Variants in CDK12 observed in about 807,000 individuals in gnomAD.
The protein encoded by CDK12 is cyclin dependent kinase 12, also known as cyclin-dependent kinase 12.
Under a neutral mutation model 133.8 loss-of-function variants are expected in CDK12, and 17 were observed. That is an observed-to-expected ratio of 0.13 (90% CI 0.09 to 0.19). The LOEUF (loss-of-function observed/expected upper bound fraction) is 0.19, where lower values mean the gene tolerates loss of function less well. Among genes scored for constraint, CDK12 ranks in the 10% least tolerant of loss-of-function variants. The probability of loss-of-function intolerance (pLI) is 1.00; values close to 1 mark genes in which losing one functional copy is unlikely to be tolerated. For synonymous variants in CDK12, 694 were observed against 683.6 expected, an observed-to-expected ratio of 1.02 and a Z score of -0.24; for missense variants, 1,508 against 1,818.7, an observed-to-expected ratio of 0.83 and a Z score of 3.11.
exon 3 of CDK12, chr17:39,556,307 C>A (rs995719896): frequency 5.2e-5 from 8 of 152,430 alleles, no homozygotes; most frequent in Admixed American, 4.6e-4. Flanking sequence ...AGGATCTGAA[C>A]CCAAGATTCC....
chr17:39,483,553 C>T (rs779558005), intron 2 of CDK12, among the ~76,000 whole-genome samples: 27 of 151,972 alleles, frequency 1.8e-4, no homozygotes, highest in Admixed American at 7.9e-4. Context: ...CATGAGCCAC[C>T]GTGCCTGGTC....
intron 2 of CDK12, among the ~76,000 whole-genome samples, chr17:39,551,678 G>C (rs1235610293): frequency 6.6e-6 from 1 of 152,176 alleles, no homozygotes; most frequent in East Asian, 1.9e-4. Context: ...TTCATGTGGT[G>C]CCATGGCCTT....
intron 1 of CDK12, among the ~76,000 whole-genome samples, chr17:39,464,508 G>T (rs564489403): frequency 1.3e-5 from 2 of 151,564 alleles, no homozygotes; most frequent in Admixed American, 1.3e-4. Context: ...GGGATTACAG[G>T]CATGAGCCAC....
intron 3 of CDK12, chr17:39,556,844 C>T (rs2056182413): frequency 6.6e-6 from 1 of 152,128 alleles, no homozygotes; most frequent in Admixed American, 6.6e-5. Flanking sequence ...ACACCCCTCC[C>T]CTCCATTCTA....
chr17:39,493,907 A>G (rs1436071975), intron 4 of CDK12, among the ~76,000 whole-genome samples: 1 of 151,820 alleles, frequency 6.6e-6, no homozygotes, highest in African/African-American at 2.4e-5. Flanking sequence ...GAGGCAGGAG[A>G]ATCACTTGAA....
chr17:39,539,521 C>A (rs781240395), downstream of CDK12, among the ~76,000 whole-genome samples: 4 of 152,014 alleles, frequency 2.6e-5, no homozygotes, highest in Non-Finnish European at 5.9e-5. Context: ...ATAGTTATAC[C>A]ATGAGGGCTG....
intron 3 of CDK12, 58 bp downstream of exon 3, chr17:39,490,791 A>T: frequency 7.6e-7 from 1 of 1,310,842 alleles, no homozygotes; most frequent in African/African-American, 1.5e-5. Context: ...TTTTGAACTA[A>T]ATCTCTCATG....
At chr17:39,509,348 A>C (rs1444617741) in intron 6 of CDK12, among the ~76,000 whole-genome samples, 2 of 152,218 alleles carry the variant, frequency 1.3e-5, no homozygotes, top group East Asian at 3.8e-4. Context: ...CCCAACAATA[A>C]GTATTTAATC....
chr17:39,529,166 C>G (rs2054674944), intron 13 of CDK12, among the ~76,000 whole-genome samples: 1 of 152,118 alleles, frequency 6.6e-6, no homozygotes, highest in South Asian at 2.1e-4. Context: ...CCTGGAAAAC[C>G]CCCTCAGTCC....
chr17:39,531,646 GAA>G lies in CDK12; in HGVS notation c.*332_*333del, dbSNP rs2054852887. Reference sequence around the variant, plus strand: ...GCCTGCACTTACTGATCGGAAGAGAGAAAGAACAGTTTCAGTATTGAGATGGC... The same window carrying G: ...GCCTGCACTTACTGATCGGAAGAGAGAGAACAGTTTCAGTATTGAGATGGC... On this transcript the variant is annotated 3_prime_UTR_variant, in exon 14 of 14. Coordinates refer to ENST00000447079, the MANE Select transcript of CDK12 (RefSeq NM_016507.4). The G allele has an allele frequency of 3.7e-6, 1 of 273,628 alleles. No individual in the cohort carries two copies. The highest frequency in any genetic ancestry group is 6.8e-6 in the Non-Finnish European group (1 of 146,058). The allele number at this position is 273,628 out of a possible 1,614,324, so 17.0% of individuals were successfully genotyped here.
chr17:39,501,627 G>GT (rs2052723832), intron 6 of CDK12, among the ~76,000 whole-genome samples, 188 bp downstream of exon 6: 1 of 152,132 alleles, frequency 6.6e-6, no homozygotes, highest in Non-Finnish European at 1.5e-5. Flanking sequence ...CCTTTTCTCA[G>GT]TTACCAGCTT....
At chr17:39,566,211 T>C (rs1176837093), downstream of CDK12, among the ~76,000 whole-genome samples, 1 of 152,186 alleles carries the variant, frequency 6.6e-6, no homozygotes, top group Non-Finnish European at 1.5e-5. Context: ...GGAAAAGGTC[T>C]GATTGCTAGG....
At chr17:39,516,126 A>T (rs550803126) in intron 9 of CDK12, among the ~76,000 whole-genome samples, 16 of 152,216 alleles carry the variant, frequency 1.1e-4, no homozygotes, top group Admixed American at 9.2e-4. Flanking sequence ...TGAGCCTGTT[A>T]TACAACAGAT....
intron 1 of CDK12, chr17:39,550,877 A>C (rs554845115): frequency 6.6e-6 from 1 of 152,160 alleles, no homozygotes; most frequent in East Asian, 1.9e-4. Flanking sequence ...AAAAAATACA[A>C]AAAAATTATC....
Position 39,534,079 on chromosome 17 carries a change from T to C in CDK12, c.*2763T>C, listed in dbSNP as rs1234521260. The C allele has an allele frequency of 4.3e-6, 1 of 232,680 alleles. No individual in the cohort carries two copies. Among genetic ancestry groups the C allele is most frequent in the Non-Finnish European group, 8.5e-6 (1 of 117,692 alleles). The allele number at this position is 232,680 out of a possible 1,614,324, so 14.4% of individuals were successfully genotyped here. A position where few individuals can be genotyped will look rare whatever the true frequency, so the allele number is the denominator to read the frequency against. ...GTGGGAGGCAAAACTGGTTTGACCGTGATCATTTTTGTGGTTTTGAAAACA... is the reference window on the plus strand; with the variant it reads ...GTGGGAGGCAAAACTGGTTTGACCGCGATCATTTTTGTGGTTTTGAAAACA... On this transcript the variant is annotated 3_prime_UTR_variant, in exon 14 of 14. Transcript: ENST00000447079.
chr17:39,493,019 A>G, intron 4 of CDK12, 129 bp downstream of exon 4: 3 of 800,988 alleles, frequency 3.7e-6, no homozygotes, highest in East Asian at 5.7e-5. Flanking sequence ...GTTTTTTGAG[A>G]TGGAGTCTTG....
In CDK12 at chr17:39,531,162, A is replaced by C; in HGVS notation, c.4319A>C (p.Tyr1440Ser). Residue 1440 changes from tyrosine (Y) to serine (S), a missense_variant, in exon 14 of 14, where the codon TAT becomes TCT. Transcript: ENST00000447079. ...VVHAETKLQN[Y>S]GELGPGTTGA... ...CATGCAGAGACCAAATTGCAAAACT[A>C]TGGGGAGCTGGGGCCAGGAACCACT... 6.5e-7 allele frequency: 1 copy of C among 1,528,036 alleles called. No homozygotes were observed. The highest frequency in any genetic ancestry group is 8.8e-7 in the Non-Finnish European group (1 of 1,139,016). The allele number at this position is 1,528,036 out of a possible 1,614,324, so 94.7% of individuals were successfully genotyped here. A position where few individuals can be genotyped will look rare whatever the true frequency, so the allele number is the denominator to read the frequency against.
At chr17:39,503,365 G>A (rs770562767) in intron 6 of CDK12, among the ~76,000 whole-genome samples, 36 of 152,124 alleles carry the variant, frequency 2.4e-4, no homozygotes, top group African/African-American at 6.8e-4. Flanking sequence ...GAGCCACTGC[G>A]CCCGGCCAAA....
chr17:39,537,008 C>T (rs541189741), downstream of CDK12, among the ~76,000 whole-genome samples: 1 of 152,174 alleles, frequency 6.6e-6, no homozygotes, highest in African/African-American at 2.4e-5. Context: ...ATTGACAGCT[C>T]TAAAGGAATG....
Sources: allele counts gnomAD v4.1 joint callset (sites outside exome capture counted in the v4.1 genomes callset), GRCh38; gene constraint gnomAD v4.1.1; transcripts MANE v1.5; gene names NCBI Gene and HGNC (gene_info 2026-07-23, HGNC 2026-07-21).